ACTN2: variants seen among roughly 807,000 people sequenced by gnomAD.
The protein encoded by ACTN2 is alpha-actinin-2.
A neutral mutation model predicts 113.8 loss-of-function variants in ACTN2; 39 were observed. That is an observed-to-expected ratio of 0.34 (90% confidence interval 0.27 to 0.45). The LOEUF (loss-of-function observed/expected upper bound fraction) is 0.45, where lower values mean the gene tolerates loss of function less well. Ranked by LOEUF, ACTN2 falls within the 20% of genes least tolerant of loss-of-function variation. ACTN2 has a pLI of 1.00. For missense variants in ACTN2, 992 were observed against 1,177.9 expected, an observed-to-expected ratio of 0.84 and a Z score of 2.31; for synonymous variants, 429 against 444.1, an observed-to-expected ratio of 0.97 and a Z score of 0.43.
chr1:236,749,348 G>C, intron 14 of ACTN2, 84 bp downstream of exon 14: 1 of 1,566,154 alleles, frequency 6.4e-7, no homozygotes, highest in Non-Finnish European at 8.7e-7. Context: ...TTGGTTTCTT[G>C]TTTTCTTGCT....
In ACTN2 at chr1:236,686,517, G is replaced by A; in HGVS notation, c.-157G>A. Reference sequence around the variant, plus strand: ...CGCAGCCGGAGCTGGTGCTTCGCCCGAGACCCAGCGCCCAGGCGTGTCGCC... The same window carrying A: ...CGCAGCCGGAGCTGGTGCTTCGCCCAAGACCCAGCGCCCAGGCGTGTCGCC... On this transcript the variant is annotated 5_prime_UTR_variant, in exon 1 of 21. Coordinates refer to ENST00000366578, the MANE Select transcript of ACTN2 (RefSeq NM_001103.4). 3 of 804,344 alleles carry A rather than the reference G, an allele frequency of 3.7e-6. No individual in the cohort carries two copies. The highest frequency in any genetic ancestry group is 4.9e-6 in the Non-Finnish European group (3 of 606,638). 49.8% of individuals were successfully genotyped at this position (804,344 alleles called of 1,614,324 possible).
intron 1 of ACTN2, among the ~76,000 whole-genome samples, chr1:236,690,105 T>C (rs1013061246): frequency 6.6e-6 from 1 of 152,246 alleles, no homozygotes; most frequent in African/African-American, 2.4e-5. Flanking sequence ...TTCTGTACTC[T>C]TCACAGTTGA....
chr1:236,749,035 A>G, intron 13 of ACTN2, 89 bp from the exon 14 acceptor site: 2 of 1,363,654 alleles, frequency 1.5e-6, no homozygotes, highest in Non-Finnish European at 2.1e-6. Flanking sequence ...AATATCAGAG[A>G]ATAGTCTGTT....
intron 17 of ACTN2, 70 bp downstream of exon 17, chr1:236,755,268 C>T (rs1398187161): frequency 3.9e-6 from 6 of 1,550,122 alleles, no homozygotes; most frequent in Non-Finnish European, 5.3e-6. Flanking sequence ...AGGGTGCTTT[C>T]TTCATGCACT....
chr1:236,712,657 A>C (rs3910035), intron 1 of ACTN2, among the ~76,000 whole-genome samples: 1 of 151,644 alleles, frequency 6.6e-6, no homozygotes, highest in East Asian at 1.9e-4. Flanking sequence ...AGACCGTCTT[A>C]TCTCTTTACA....
At chr1:236,696,763 T>C (rs1179009254) in intron 1 of ACTN2, among the ~76,000 whole-genome samples, 2 of 151,794 alleles carry the variant, frequency 1.3e-5, no homozygotes, top group Non-Finnish European at 2.9e-5. Context: ...CCTCCCGGGT[T>C]CAAGCGATTC....
In ACTN2 at chr1:236,743,381, C is replaced by CA. The variant is rs1457633819; in HGVS notation, c.1255+340dup. 2.0e-5 allele frequency among the ~76,000 whole-genome samples: 3 copies of CA among 152,182 alleles called. No individual in the cohort carries two copies. The East Asian group carries it at 5.8e-4, about 29-fold the overall frequency. On this transcript the variant is annotated intron_variant, in intron 11 of 20. Transcript: ENST00000366578. ...AACTGGTAGTCAGATAGCCCTGGGC[C>CA]AACCACTAGCCTCTGCCAGTAGAAT...
intron 1 of ACTN2, among the ~76,000 whole-genome samples, chr1:236,715,990 G>T (rs1658194065): frequency 6.6e-6 from 1 of 151,884 alleles, no homozygotes; most frequent in South Asian, 2.1e-4. Flanking sequence ...AAAGTGGATG[G>T]CTTAGAGTAT....
chr1:236,719,129 G>A lies in ACTN2; in HGVS notation c.361+116G>A, dbSNP rs1017614949. 2.1e-6 allele frequency: 3 copies of A among 1,453,928 alleles called. No homozygotes were observed. In the African/African-American group the frequency reaches 4.2e-5, roughly 20 times the overall value. The allele number at this position is 1,453,928 out of a possible 1,614,324, so 90.1% of individuals were successfully genotyped here. ...TTTCACCATTTACTGTACCTGCCTT[G>A]TATCAGGCTCTCTCTTAGGGCGCTC... On this transcript the variant is annotated intron_variant, in intron 3 of 20. Transcript: ENST00000366578.
chr1:236,747,134 G>A (rs934377875), intron 12 of ACTN2, among the ~76,000 whole-genome samples: 1 of 152,158 alleles, frequency 6.6e-6, no homozygotes, highest in Non-Finnish European at 1.5e-5. Flanking sequence ...TGCTCTCTGG[G>A]GGCCTCTCCA....
chr1:236,761,741 TGTATAAA>T, intron 20 of ACTN2, among the ~76,000 whole-genome samples: 1 of 152,294 alleles, frequency 6.6e-6, no homozygotes, highest in African/African-American at 2.4e-5. Flanking sequence ...AACATCTCTA[TGTATAAA>T]TTCAATTTGG....
rs555254084 is a variant in ACTN2, at chr1:236,755,015, T to C, written c.1975-4T>C. The C allele has an allele frequency of 1.2e-6, 2 of 1,614,064 alleles. No homozygotes were observed. Among genetic ancestry groups the C allele is most frequent in the African/African-American group, 2.7e-5 (2 of 74,998 alleles). ...CTCTCTGCTTGCTCACTCGCCCCCC[T>C]CAGGAGATTGCCCGGAGCTCCATCC... is the stretch of plus-strand genomic sequence containing the variant. On this transcript the variant is annotated splice_polypyrimidine_tract_variant and splice_region_variant and intron_variant, in intron 16 of 20. Transcript: ENST00000366578.
At chr1:236,740,328 G>C (rs1486902262) in intron 10 of ACTN2, among the ~76,000 whole-genome samples, 1 of 151,806 alleles carries the variant, frequency 6.6e-6, no homozygotes, top group Non-Finnish European at 1.5e-5. Flanking sequence ...TGGTCAGGCT[G>C]GTCTTGAACT....
At chr1:236,751,330 C>A in intron 14 of ACTN2, 140 bp from the exon 15 acceptor site, 1 of 1,076,176 alleles carries the variant, frequency 9.3e-7, no homozygotes, top group Non-Finnish European at 1.4e-6. Flanking sequence ...AGAGTTTTTT[C>A]TAAAGCATTC....
rs1659176119 is a variant in ACTN2, at chr1:236,744,749, A to G, written c.1379A>G (p.Gln460Arg). The G allele has an allele frequency of 6.2e-7, 1 of 1,614,184 alleles. No individual in the cohort carries two copies. Among genetic ancestry groups the G allele is most frequent in the Non-Finnish European group, 8.5e-7 (1 of 1,180,018 alleles). Residue 460 changes from glutamine to arginine, a missense_variant, in exon 12 of 21, where the codon CAG becomes CGG. By Grantham distance (43) the Gln-to-Arg change is conservative. Coordinates refer to ENST00000366578, the MANE Select transcript of ACTN2 (RefSeq NM_001103.4). ...GCAGCGCACCAGGACCGCGTGGAGC[A>G]GATCGCAGCCATCGCGCAGGAGCTC... ...DLAAHQDRVE[Q>R]IAAIAQELNE...
intron 1 of ACTN2, among the ~76,000 whole-genome samples, chr1:236,690,805 G>T (rs911850669): frequency 6.6e-6 from 1 of 152,228 alleles, no homozygotes; most frequent in South Asian, 2.1e-4. Context: ...GTACAATTCA[G>T]TGGTGGTACG....
In ACTN2 at chr1:236,718,906, C is replaced by T; in HGVS notation, c.254C>T (p.Pro85Leu). ...TTTCATCCAACAGGGGAAAGGCTGC[C>T]CAAACCTGACCGGGGAAAAATGCGG... ...LLEVISGERLPKPDRGKMRFH... is the reference protein window; with the variant it reads ...LLEVISGERLLKPDRGKMRFH... The change falls in exon 3 of 21, where the codon CCC becomes CTC. Residue 85 changes from proline (P) to leucine (L), a missense_variant. Physicochemically the swap from Pro to Leu is moderately conservative, Grantham distance 98 (BLOSUM62 -3). Transcript: ENST00000366578. 9.3e-6 allele frequency: 15 copies of T among 1,614,110 alleles called. No homozygotes were observed. The highest frequency in any genetic ancestry group is 1.3e-5 in the Non-Finnish European group (15 of 1,180,032).
At chr1:236,728,726 T>A (rs2564763) in intron 6 of ACTN2, among the ~76,000 whole-genome samples, 11,321 of 151,862 alleles carry the variant, frequency 0.075, 762 homozygotes, top group East Asian at 0.23. Context: ...ATTCAAATTC[T>A]TTCTTTAAAA....
intron 17 of ACTN2, among the ~76,000 whole-genome samples, chr1:236,755,621 GA>G (rs1240235575): frequency 6.6e-6 from 1 of 151,134 alleles, no homozygotes; most frequent in Non-Finnish European, 1.5e-5. Context: ...GCCACTGTTA[GA>G]ATCCTGATAA....
Sources: gnomAD v4.1 joint callset for allele counts (sites outside exome capture counted in the v4.1 genomes callset) on GRCh38, gnomAD v4.1.1 for gene constraint, MANE v1.5 for transcripts, NCBI Gene and HGNC (gene_info 2026-07-23, HGNC 2026-07-21) for gene names.